The following PTPRG variants were observed in gnomAD, a reference collection of about 807,000 sequenced individuals.
PTPRG encodes the protein protein tyrosine phosphatase receptor type G.
Under a neutral mutation model 165.3 loss-of-function variants are expected in PTPRG, and 102 were observed. The observed-to-expected ratio is 0.62, with a 90% CI of 0.53 to 0.73. PTPRG has a LOEUF of 0.73. Ranked by LOEUF, PTPRG falls within the 30% of genes least tolerant of loss-of-function variation. The pLI, the probability that PTPRG is intolerant of heterozygous loss-of-function variation, is 0.00. For synonymous variants in PTPRG, 675 were observed against 669.5 expected (o/e 1.01, Z -0.13); for missense variants, 1,866 against 1,861.4 (o/e 1.00, Z -0.05).
At chr3:62,162,730 T>A (rs1704815043) in intron 7 of PTPRG, among the ~76,000 whole-genome samples, 1 of 152,364 alleles carries the variant, frequency 6.6e-6, no homozygotes, top group South Asian at 2.1e-4. Context: ...ACTTATACTA[T>A]CACTGCATCC....
At chr3:62,169,075 G>A (rs904025333) in intron 8 of PTPRG, among the ~76,000 whole-genome samples, 7 of 151,962 alleles carry the variant, frequency 4.6e-5, no homozygotes, top group Non-Finnish European at 7.4e-5. Flanking sequence ...TATCCCTCTC[G>A]TCTGCTTCTG....
chr3:62,133,709 G>A (rs1002671975), intron 6 of PTPRG, among the ~76,000 whole-genome samples: 3 of 152,146 alleles, frequency 2.0e-5, no homozygotes, highest in Non-Finnish European at 2.9e-5. Context: ...TCTGGGCCAG[G>A]CATGGTGGCT....
intron 1 of PTPRG, among the ~76,000 whole-genome samples, chr3:61,693,897 A>G (rs1000375730): frequency 1.3e-5 from 2 of 151,880 alleles, no homozygotes; most frequent in Non-Finnish European, 1.5e-5. Flanking sequence ...AGTCCCAGCT[A>G]CTCGGGAGGC....
chr3:62,268,955 C>A, intron 19 of PTPRG, 80 bp from the exon 20 acceptor site: 1 of 1,377,270 alleles, frequency 7.3e-7, no homozygotes, highest in Non-Finnish European at 9.7e-7. Flanking sequence ...TGTGTTTTAA[C>A]ATTGTCGTTT....
chr3:61,960,631 AT>A, intron 2 of PTPRG, among the ~76,000 whole-genome samples: 2 of 152,124 alleles, frequency 1.3e-5, no homozygotes, highest in Non-Finnish European at 2.9e-5. Context: ...CTAAATGCAG[AT>A]CTAATCATCC....
intron 1 of PTPRG, among the ~76,000 whole-genome samples, chr3:61,704,254 G>C (rs1485658847): frequency 6.6e-6 from 1 of 152,150 alleles, no homozygotes; most frequent in Non-Finnish European, 1.5e-5. Context: ...CTGTAAAAAG[G>C]GTATAGTAAC....
At chr3:61,871,068 C>G (rs1170910128) in intron 2 of PTPRG, among the ~76,000 whole-genome samples, 1 of 151,756 alleles carries the variant, frequency 6.6e-6, no homozygotes, top group African/African-American at 2.4e-5. Flanking sequence ...ACCAGAGTGT[C>G]TTGAAGGTCC....
chr3:61,853,272 C>T (rs1428380663), intron 2 of PTPRG, among the ~76,000 whole-genome samples: 1 of 152,178 alleles, frequency 6.6e-6, no homozygotes, highest in Non-Finnish European at 1.5e-5. Context: ...GGTATTCACA[C>T]CCTTTTTTAG....
chr3:62,248,702 T>C (rs1200163442), intron 15 of PTPRG, among the ~76,000 whole-genome samples: 1 of 152,234 alleles, frequency 6.6e-6, no homozygotes. Flanking sequence ...TAGAGCATAT[T>C]GAAAGAGCTT....
At chr3:61,992,530 T>C (rs2040923151) in intron 3 of PTPRG, among the ~76,000 whole-genome samples, 1 of 152,130 alleles carries the variant, frequency 6.6e-6, no homozygotes, top group Admixed American at 6.5e-5. Flanking sequence ...CGGCTAATTT[T>C]TTTTTTGAGA....
At chr3:61,965,535 T>G (rs997267954) in intron 2 of PTPRG, among the ~76,000 whole-genome samples, 1 of 151,852 alleles carries the variant, frequency 6.6e-6, no homozygotes, top group Non-Finnish European at 1.5e-5. Flanking sequence ...AGGGTGGACT[T>G]ACTTTAATGA....
intron 2 of PTPRG, among the ~76,000 whole-genome samples, chr3:61,774,036 A>C (rs2034295228): frequency 6.6e-6 from 1 of 152,192 alleles, no homozygotes; most frequent in African/African-American, 2.4e-5. Context: ...CAGCCTCCCA[A>C]AGTGCTAGGA....
chr3:62,021,052 G>T (rs563397314), intron 4 of PTPRG, among the ~76,000 whole-genome samples: 21 of 152,262 alleles, frequency 1.4e-4, no homozygotes, highest in Non-Finnish European at 2.4e-4. Flanking sequence ...TACTGCCACT[G>T]TGTGAGTACG....
Position 61,748,895 on chromosome 3 carries a change from G to C in PTPRG, c.103G>C (p.Val35Leu). 1 of 1,613,552 alleles carries C rather than the reference G, an allele frequency of 6.2e-7. No individual in the cohort carries two copies. The highest frequency in any genetic ancestry group is 8.5e-7 in the Non-Finnish European group (1 of 1,179,972). Reference sequence around the variant, plus strand: ...TCTTCCAGCGTTGACAGAAGGCTACGTTGGGGCCCTGCACGAGAATAGACA... The same window carrying C: ...TCTTCCAGCGTTGACAGAAGGCTACCTTGGGGCCCTGCACGAGAATAGACA... ...VCFPALTEGY[V>L]GALHENRHGS... The change falls in exon 2 of 30, where the codon GTT becomes CTT. Residue 35 changes from valine to leucine, a missense_variant. By Grantham distance (32) the Val-to-Leu change is conservative. Around this residue, in one of 3 missense-constraint regions of PTPRG, gnomAD observed 408 missense variants for 376.2 expected, o/e 1.08. Transcript: ENST00000474889.
chr3:62,228,526 G>A lies in PTPRG; in HGVS notation c.2289-2699G>A, dbSNP rs574921414. On this transcript the variant is annotated intron_variant, in intron 13 of 29. Coordinates refer to ENST00000474889, the MANE Select transcript of PTPRG (RefSeq NM_002841.4). This position sits in a 1 kb window ranked among gnomAD's most constrained non-coding sequence, Gnocchi z 4.1. ...AAAACTCCATCTCAAAAAAAAAAAA[G>A]AAAGAAAGAAAAAAGAAAAAGAAAA... 0.01 allele frequency among the ~76,000 whole-genome samples: 1,570 copies of A among 150,424 alleles called. 34 individuals are homozygous for A. Among genetic ancestry groups the A allele is most frequent in the African/African-American group, 0.037 (1,504 of 40,792 alleles).
intron 8 of PTPRG, among the ~76,000 whole-genome samples, chr3:62,172,600 A>G (rs1430994432): frequency 6.6e-6 from 1 of 152,136 alleles, no homozygotes; most frequent in African/African-American, 2.4e-5. Flanking sequence ...CAGGTAACTC[A>G]GCGCCACTAT....
At chr3:62,242,809 C>T (rs1340917979) in intron 14 of PTPRG, among the ~76,000 whole-genome samples, 1 of 152,052 alleles carries the variant, frequency 6.6e-6, no homozygotes, top group African/African-American at 2.4e-5. Context: ...ATACGGGCCC[C>T]AGAAAAAGCA....
At chr3:62,127,652 A>G (rs1055847558) in intron 5 of PTPRG, among the ~76,000 whole-genome samples, 1 of 152,200 alleles carries the variant, frequency 6.6e-6, no homozygotes, top group Non-Finnish European at 1.5e-5. Flanking sequence ...GCGGTGTCGG[A>G]TTCAAGGCAA....
At chr3:62,169,359 C>T (rs1015253747) in intron 8 of PTPRG, among the ~76,000 whole-genome samples, 65 of 152,284 alleles carry the variant, frequency 4.3e-4, no homozygotes, top group South Asian at 8.3e-4. Flanking sequence ...CCATACCAGC[C>T]TCACCCCTAC....
Sources: allele counts gnomAD v4.1 joint callset (sites outside exome capture counted in the v4.1 genomes callset), GRCh38; gene constraint gnomAD v4.1.1; regional missense constraint gnomAD v4.1.1; non-coding constraint Gnocchi (gnomAD v3.1); transcripts MANE v1.5; gene names NCBI Gene and HGNC (gene_info 2026-07-23, HGNC 2026-07-21).